CFAP299: variants seen among roughly 807,000 people sequenced by gnomAD.
The protein encoded by CFAP299 is cilia and flagella associated protein 299, also known as cilia- and flagella-associated protein 299.
A neutral mutation model predicts 27.0 loss-of-function variants in CFAP299; 21 were observed. The observed-to-expected ratio is 0.78, with a 90% CI of 0.55 to 1.12. The LOEUF (loss-of-function observed/expected upper bound fraction) is 1.12, where lower values mean the gene tolerates loss of function less well. Among genes scored for constraint, CFAP299 ranks in the 50% most tolerant of loss-of-function variants. The pLI is 0.00. For synonymous variants in CFAP299, 104 were observed against 98.1 expected (o/e 1.06, Z -0.36); for missense variants, 310 against 276.6 (o/e 1.12, Z -0.86).
chr4:80,691,065 A>G (rs1319654432), intron 3 of CFAP299, among the ~76,000 whole-genome samples: 1 of 119,838 alleles, frequency 8.3e-6, no homozygotes, highest in Non-Finnish European at 1.7e-5. Context: ...CTTACCAACC[A>G]AAAAGAGTCC....
intron 2 of CFAP299, among the ~76,000 whole-genome samples, chr4:80,554,703 G>A (rs1232896493): frequency 6.6e-6 from 1 of 151,828 alleles, no homozygotes; most frequent in Non-Finnish European, 1.5e-5. Context: ...TCTCATTATT[G>A]AGATCTTTCA....
chr4:80,572,783 C>T, intron 2 of CFAP299, among the ~76,000 whole-genome samples: 1 of 151,940 alleles, frequency 6.6e-6, no homozygotes, highest in Non-Finnish European at 1.5e-5. Flanking sequence ...TCCCAAAGTG[C>T]TGGAATTACA....
intron 3 of CFAP299, among the ~76,000 whole-genome samples, chr4:80,612,325 G>T (rs758095843): frequency 2.6e-5 from 4 of 151,900 alleles, no homozygotes; most frequent in Non-Finnish European, 5.9e-5. Context: ...GCCTCAATTT[G>T]TCACTAAACT....
intron 5 of CFAP299, among the ~76,000 whole-genome samples, chr4:80,950,259 C>CA (rs1035603424): frequency 2.6e-5 from 4 of 151,614 alleles, no homozygotes; most frequent in African/African-American, 4.8e-5. Context: ...CTCCACCCCC[C>CA]CCCTTTCTCA....
intron 2 of CFAP299, among the ~76,000 whole-genome samples, chr4:80,463,586 C>A (rs932524257): frequency 6.6e-6 from 1 of 152,074 alleles, no homozygotes; most frequent in South Asian, 2.1e-4. Context: ...AGTTAGGGTT[C>A]GTTTTTGGTG....
chr4:80,607,196 G>T (rs1164346875), intron 3 of CFAP299, among the ~76,000 whole-genome samples: 2 of 152,112 alleles, frequency 1.3e-5, no homozygotes, highest in Non-Finnish European at 2.9e-5. Flanking sequence ...TTCTCAGGAA[G>T]AGTATAGCAA....
At chr4:80,921,428 T>C (rs1736039157) in intron 4 of CFAP299, among the ~76,000 whole-genome samples, 1 of 151,970 alleles carries the variant, frequency 6.6e-6, no homozygotes, top group East Asian at 1.9e-4. Context: ...TTTTAAAGAA[T>C]GTATAGACAT....
rs192093190 is a variant in CFAP299 at position 80,815,817 on chromosome 4, C to T, written c.334-54176C>T. ...ATGTACGTATGTATAAAATTGAATG[C>T]GTAAGTAAAGGGCTAGAAATAGATA... On this transcript the variant is annotated intron_variant, in intron 3 of 5. Coordinates refer to ENST00000358105, the MANE Select transcript of CFAP299 (RefSeq NM_152770.3). Among the ~76,000 whole-genome samples, 466 of 151,820 alleles carry T rather than the reference C, an allele frequency of 3.1e-3. 1 individual carries two copies. The highest frequency in any genetic ancestry group is 0.013 in the South Asian group (64 of 4,818).
At chr4:80,902,815 C>T (rs1734996321) in intron 4 of CFAP299, among the ~76,000 whole-genome samples, 1 of 151,522 alleles carries the variant, frequency 6.6e-6, no homozygotes, top group African/African-American at 2.4e-5. Flanking sequence ...TATAACTGTT[C>T]CAATCAGAGA....
At chr4:80,694,968 G>T (rs1018203625) in intron 3 of CFAP299, among the ~76,000 whole-genome samples, 5 of 152,138 alleles carry the variant, frequency 3.3e-5, no homozygotes. Flanking sequence ...GATTTTTGGG[G>T]ATAAAGTTGT....
intron 3 of CFAP299, among the ~76,000 whole-genome samples, chr4:80,741,384 T>C (rs1025214686): frequency 2.6e-5 from 4 of 152,024 alleles, no homozygotes; most frequent in African/African-American, 9.7e-5. Flanking sequence ...AGACAAGGGT[T>C]CTTTAGTCAG....
intron 3 of CFAP299, among the ~76,000 whole-genome samples, chr4:80,758,022 G>A (rs72866729): frequency 3.9e-5 from 6 of 152,266 alleles, no homozygotes; most frequent in East Asian, 1.9e-4. Context: ...CAGGCATGCC[G>A]GTGACCCCTG....
intron 3 of CFAP299, among the ~76,000 whole-genome samples, chr4:80,707,411 A>G (rs1434836598): frequency 6.6e-6 from 1 of 152,032 alleles, no homozygotes; most frequent in Non-Finnish European, 1.5e-5. Flanking sequence ...TTTATGTATC[A>G]TCTATGGCTG....
intron 1 of CFAP299, among the ~76,000 whole-genome samples, chr4:80,347,800 C>T (rs893065249): frequency 3.9e-5 from 6 of 152,084 alleles, no homozygotes; most frequent in Admixed American, 6.6e-5. Flanking sequence ...ACATATAGAA[C>T]CAAAAAGAGC....
intron 3 of CFAP299, among the ~76,000 whole-genome samples, chr4:80,774,483 ATTTTCTC>A (rs1487646948): frequency 6.6e-6 from 1 of 151,834 alleles, no homozygotes; most frequent in East Asian, 1.9e-4. Flanking sequence ...GTTAAAATTT[ATTTTCTC>A]TTTTCCTTTA....
chr4:80,659,748 T>C (rs1264704431), intron 3 of CFAP299, among the ~76,000 whole-genome samples: 4 of 152,102 alleles, frequency 2.6e-5, no homozygotes, highest in Admixed American at 2.0e-4. Context: ...CACTCTTTTG[T>C]GTTTCTTTTT....
chr4:80,594,631 G>A (rs369924227), intron 3 of CFAP299, among the ~76,000 whole-genome samples: 24 of 150,210 alleles, frequency 1.6e-4, no homozygotes, highest in Admixed American at 1.3e-3. Context: ...TCTTTGTATC[G>A]CATTCTTATG....
At chr4:80,699,320 C>T (rs1299398330) in intron 3 of CFAP299, among the ~76,000 whole-genome samples, 1 of 152,182 alleles carries the variant, frequency 6.6e-6, no homozygotes, top group Non-Finnish European at 1.5e-5. Context: ...GTCAACATCT[C>T]ACTGGATGCT....
intron 4 of CFAP299, among the ~76,000 whole-genome samples, chr4:80,906,560 G>A (rs936826241): frequency 6.6e-6 from 1 of 152,182 alleles, no homozygotes; most frequent in Non-Finnish European, 1.5e-5. Context: ...GCAGTCTTCT[G>A]CCTGGACATC....
Sources: allele counts gnomAD v4.1 joint callset (sites outside exome capture counted in the v4.1 genomes callset), GRCh38; gene constraint gnomAD v4.1.1; transcripts MANE v1.5; gene names NCBI Gene and HGNC (gene_info 2026-07-23, HGNC 2026-07-21).